Variants in NXPH1 observed in about 807,000 individuals in gnomAD.
The protein encoded by NXPH1 is neurexophilin-1.
In NXPH1, 5 loss-of-function variants were observed where a neutral mutation model predicts 23.7. The observed-to-expected ratio is 0.21, with a 90% CI of 0.11 to 0.44. The LOEUF (loss-of-function observed/expected upper bound fraction) is 0.44, where lower values mean the gene tolerates loss of function less well. NXPH1 is among the 20% of genes least tolerant of loss of function. The pLI is 0.99. For missense variants in NXPH1, 324 were observed against 321.6 expected (o/e 1.01, Z -0.06); for synonymous variants, 144 against 122.2 (o/e 1.18, Z -1.18).
intron 2 of NXPH1, among the ~76,000 whole-genome samples, chr7:8,484,204 G>A (rs201214560): frequency 1.3e-5 from 2 of 151,982 alleles, no homozygotes; most frequent in Non-Finnish European, 2.9e-5. Context: ...ATCTCACATA[G>A]TCATAGTTGT....
intron 2 of NXPH1, among the ~76,000 whole-genome samples, chr7:8,692,116 T>A (rs1463741141): frequency 6.6e-6 from 1 of 151,604 alleles, no homozygotes; most frequent in East Asian, 1.9e-4. Context: ...GAGAGTGCTA[T>A]GAGATGGCAG....
At chr7:8,448,545 G>A (rs1459586868) in intron 2 of NXPH1, among the ~76,000 whole-genome samples, 5 of 152,148 alleles carry the variant, frequency 3.3e-5, no homozygotes, top group African/African-American at 1.2e-4. Flanking sequence ...GGCTGGGTGC[G>A]GTGACTCACG....
At chr7:8,449,834 C>T (rs1019949270) in intron 2 of NXPH1, among the ~76,000 whole-genome samples, 4 of 152,210 alleles carry the variant, frequency 2.6e-5, no homozygotes, top group African/African-American at 9.6e-5. Flanking sequence ...GCTGTTGGCA[C>T]TACTGTAGTT....
At chr7:8,469,142 ATAT>A (rs1436088630) in intron 2 of NXPH1, among the ~76,000 whole-genome samples, 4 of 152,056 alleles carry the variant, frequency 2.6e-5, no homozygotes, top group Admixed American at 1.3e-4. Context: ...TTAGAGTCCC[ATAT>A]TATACAAAGA....
In NXPH1 at chr7:8,434,108, CG is replaced by C. The variant is rs1402295747; in HGVS notation, c.-756del. 6.6e-6 allele frequency: 1 copy of C among 152,218 alleles called. No individual in the cohort carries two copies. 9.4% of individuals were successfully genotyped at this position (152,218 alleles called of 1,614,324 possible). On this transcript the variant is annotated 5_prime_UTR_variant, in exon 1 of 3. Coordinates refer to ENST00000405863, the MANE Select transcript of NXPH1 (RefSeq NM_152745.3). The surrounding 1 kb of genome is among the most constrained non-coding windows in gnomAD (Gnocchi z 7.6). ...CAGCGCCCGGGACTCCACTGGGGAC[CG>C]GCTCCTGGGCTTCCCAGCGTCGCGG...
intron 2 of NXPH1, among the ~76,000 whole-genome samples, chr7:8,513,917 G>A (rs1457269770): frequency 2.0e-5 from 3 of 152,070 alleles, no homozygotes; most frequent in Non-Finnish European, 4.4e-5. Context: ...ATGTTGGCAA[G>A]GTTGGTTCTT....
Position 8,435,696 on chromosome 7 carries a change from A to G in NXPH1, c.-18A>G. On this transcript the variant is annotated 5_prime_UTR_variant, in exon 2 of 3. Coordinates refer to ENST00000405863, the MANE Select transcript of NXPH1 (RefSeq NM_152745.3). The surrounding 1 kb of genome is among the most constrained non-coding windows in gnomAD (Gnocchi z 5.9). Reference sequence around the variant, plus strand: ...GACTCAAAGAAGGCACCGCCAAGGAAGTTTGAGACGCGGGAGAATGCAGGC... The same window carrying G: ...GACTCAAAGAAGGCACCGCCAAGGAGGTTTGAGACGCGGGAGAATGCAGGC... 1.9e-6 allele frequency: 3 copies of G among 1,613,406 alleles called. No individual in the cohort carries two copies. The highest frequency in any genetic ancestry group is 1.1e-5 in the South Asian group (1 of 91,062).
chr7:8,698,511 T>C (rs1377451922), intron 2 of NXPH1, among the ~76,000 whole-genome samples: 1 of 152,314 alleles, frequency 6.6e-6, no homozygotes, highest in Non-Finnish European at 1.5e-5. Flanking sequence ...TATTGATTGC[T>C]CTATGTATAG....
intron 2 of NXPH1, among the ~76,000 whole-genome samples, chr7:8,599,597 C>T (rs1819308271): frequency 6.6e-6 from 1 of 152,110 alleles, no homozygotes. Context: ...ACCCGTTTGT[C>T]TTACTGCCTT....
intron 2 of NXPH1, among the ~76,000 whole-genome samples, chr7:8,652,518 A>G (rs1347323651): frequency 1.3e-5 from 2 of 152,192 alleles, no homozygotes; most frequent in Non-Finnish European, 2.9e-5. Context: ...ATTTTAACTA[A>G]TCCTCAATTA....
chr7:8,575,595 C>T (rs1323990283), intron 2 of NXPH1, among the ~76,000 whole-genome samples: 1 of 152,098 alleles, frequency 6.6e-6, no homozygotes, highest in East Asian at 1.9e-4. Flanking sequence ...AACATAAGTT[C>T]TGTAAGCTCC....
At chr7:8,496,257 G>C (rs1817335716) in intron 2 of NXPH1, among the ~76,000 whole-genome samples, 1 of 152,022 alleles carries the variant, frequency 6.6e-6, no homozygotes, top group African/African-American at 2.4e-5. Context: ...ACCAATCTCA[G>C]AGGAGCTGGT....
chr7:8,435,200 CG>C lies in NXPH1; in HGVS notation c.-110-403del, dbSNP rs938440104. ...CTCTATCTCTCTCTGCTGGTGTGTA[CG>C]TGTGTGAGCACTGCCAGGGCTGGCG... On this transcript the variant is annotated intron_variant, in intron 1 of 2. Transcript: ENST00000405863. This position sits in a 1 kb window ranked among gnomAD's most constrained non-coding sequence, Gnocchi z 5.9. The C allele has an allele frequency of 1.4e-5, 3 of 207,824 alleles. No individual in the cohort carries two copies. The highest frequency in any genetic ancestry group is 7.1e-5 in the African/African-American group (3 of 42,138). 12.9% of individuals were successfully genotyped at this position (207,824 alleles called of 1,614,324 possible).
At chr7:8,461,650 G>A (rs1816696534) in intron 2 of NXPH1, among the ~76,000 whole-genome samples, 1 of 150,218 alleles carries the variant, frequency 6.7e-6, no homozygotes, top group East Asian at 2.0e-4. Flanking sequence ...CTAACAAGGT[G>A]AAACCCCGTC....
chr7:8,540,925 T>C (rs758019672), intron 2 of NXPH1, among the ~76,000 whole-genome samples: 1 of 151,692 alleles, frequency 6.6e-6, no homozygotes, highest in African/African-American at 2.4e-5. Flanking sequence ...CCAGAATGAA[T>C]CAAACTATTT....
intron 2 of NXPH1, among the ~76,000 whole-genome samples, chr7:8,622,976 A>G (rs1203037399): frequency 2.0e-5 from 3 of 152,200 alleles, no homozygotes; most frequent in South Asian, 2.1e-4. Context: ...TGAAGGAAGT[A>G]TTTGAACTAC....
intron 2 of NXPH1, among the ~76,000 whole-genome samples, chr7:8,447,708 C>A (rs76168158): frequency 1.8e-3 from 277 of 152,282 alleles, no homozygotes; most frequent in African/African-American, 5.8e-3. Flanking sequence ...GGTGTTTAAT[C>A]CTGCCTTGCA....
rs60436502 is a variant in NXPH1 at position 8,483,965 on chromosome 7, C to CTTTTTTTT, written c.54+48208_54+48215dup. Reference sequence around the variant, plus strand: ...CTAGAATAAATAACACTCCCCCCACCTTTTTTTTTTTTTTTTTAAGAAGTA... The same window carrying CTTTTTTTT: ...CTAGAATAAATAACACTCCCCCCACCTTTTTTTTTTTTTTTTTTTTTTTTTAAGAAGTA... On this transcript the variant is annotated intron_variant, in intron 2 of 2. Coordinates refer to ENST00000405863, the MANE Select transcript of NXPH1 (RefSeq NM_152745.3). Among the ~76,000 whole-genome samples, 36 of 132,322 alleles carry CTTTTTTTT rather than the reference C, an allele frequency of 2.7e-4. 1 individual carries two copies. The highest frequency in any genetic ancestry group is 3.8e-3 in the Middle Eastern group (1 of 264). The allele number at this position is 132,322 out of a possible 152,430, so 86.8% of individuals were successfully genotyped here.
At chr7:8,731,130 C>T (rs941299973) in intron 2 of NXPH1, among the ~76,000 whole-genome samples, 27 of 152,088 alleles carry the variant, frequency 1.8e-4, no homozygotes, top group African/African-American at 5.5e-4. Context: ...CAGTTGATCG[C>T]ATCGGCTCCT....
Sources: gnomAD v4.1 joint callset for allele counts (sites outside exome capture counted in the v4.1 genomes callset) on GRCh38, gnomAD v4.1.1 for gene constraint, Gnocchi (gnomAD v3.1) non-coding constraint, MANE v1.5 for transcripts, NCBI Gene and HGNC (gene_info 2026-07-23, HGNC 2026-07-21) for gene names.